The following SPATA13 variants were observed in gnomAD, a reference collection of about 807,000 sequenced individuals.
SPATA13 encodes the protein spermatogenesis associated 13.
A neutral mutation model predicts 104.0 loss-of-function variants in SPATA13; 50 were observed. The observed-to-expected ratio is 0.48, with a 90% CI of 0.38 to 0.61. The LOEUF is 0.61. SPATA13 is among the 20% of genes least tolerant of loss of function. The pLI is 0.00. For synonymous variants in SPATA13, 606 were observed against 667.5 expected, an observed-to-expected ratio of 0.91 and a Z score of 1.42; for missense variants, 1,524 against 1,690.6, an observed-to-expected ratio of 0.90 and a Z score of 1.73.
chr13:24,173,779 C>A (rs957883328), intron 1 of SPATA13, among the ~76,000 whole-genome samples: 1 of 152,126 alleles, frequency 6.6e-6, no homozygotes, highest in Admixed American at 6.6e-5. Context: ...TTTTCAAATA[C>A]TGAATCAGTC....
In SPATA13 at chr13:24,293,808, G is replaced by A. The variant is rs537662265; in HGVS notation, c.3081-931G>A. Among the ~76,000 whole-genome samples, 3 of 152,334 alleles carry A rather than the reference G, an allele frequency of 2.0e-5. No homozygotes were observed. In the South Asian group the frequency reaches 6.2e-4, roughly 32 times the overall value. On this transcript the variant is annotated intron_variant, in intron 9 of 12. Transcript: ENST00000382108. ...CAGCAGGGTCTGCTTGGTGGGCAGT[G>A]TCTGGGGACTTCACAGGAGCTGGGA...
rs572969491 is a variant in SPATA13 at position 24,195,620 on chromosome 13, G to T, written c.-111-27199G>T. 9.3e-4 allele frequency among the ~76,000 whole-genome samples: 141 copies of T among 152,290 alleles called. 1 individual carries two copies. Among genetic ancestry groups the T allele is most frequent in the African/African-American group, 2.9e-3 (121 of 41,560 alleles). ...TCTTTGCCAACACTGCTAAAGGACAGTATAATATTATATAAGACTCTTAAT... is the reference window on the plus strand; with the variant it reads ...TCTTTGCCAACACTGCTAAAGGACATTATAATATTATATAAGACTCTTAAT... On this transcript the variant is annotated intron_variant, in intron 1 of 12. Coordinates refer to ENST00000382108, the MANE Select transcript of SPATA13 (RefSeq NM_001166271.3).
intron 4 of SPATA13, among the ~76,000 whole-genome samples, chr13:24,272,528 G>T (rs549239561): frequency 5.3e-5 from 8 of 152,284 alleles, no homozygotes; most frequent in East Asian, 1.9e-4. Context: ...CTCTGAGAGG[G>T]CAGGGGGCAG....
intron 3 of SPATA13, among the ~76,000 whole-genome samples, chr13:24,104,087 T>C (rs1217507033): frequency 6.6e-6 from 1 of 152,206 alleles, no homozygotes; most frequent in Non-Finnish European, 1.5e-5. Context: ...AAATTACTTA[T>C]ATAAAACTGT....
intron 3 of SPATA13, among the ~76,000 whole-genome samples, chr13:24,029,390 A>T (rs17079787): frequency 6.6e-6 from 1 of 152,170 alleles, no homozygotes; most frequent in East Asian, 1.9e-4. Context: ...GTGTGAAATC[A>T]AGACCCAAAT....
At chr13:24,174,897 G>A (rs181660113) in intron 1 of SPATA13, among the ~76,000 whole-genome samples, 135 of 152,332 alleles carry the variant, frequency 8.9e-4, no homozygotes, top group African/African-American at 3.0e-3. Context: ...TCCCTTTAGA[G>A]TTCCCCCTTG....
intron 4 of SPATA13, chr13:24,270,627 C>A (rs1211759685): frequency 2.3e-6 from 2 of 871,584 alleles, no homozygotes; most frequent in Non-Finnish European, 3.4e-6. Context: ...CTCCTGAAGT[C>A]CCCCGCAATG....
In SPATA13 at chr13:24,224,102, C is replaced by T. The variant is rs1448313390; in HGVS notation, c.1173C>T (p.Pro391=). The part of the protein sequence containing the change: ...HGTTATCTVA[P]GFGSATSKGP... ...CCACTGCAACCTGCACCGTGGCCCC[C>T]GGTTTCGGCTCAGCCACCTCTAAGG... Residue 391 remains proline (P), a synonymous_variant, in exon 2 of 13, where the codon CCC becomes CCT. Transcript: ENST00000382108. The T allele has an allele frequency of 7.1e-6, 11 of 1,551,342 alleles. No individual in the cohort carries two copies. The highest frequency in any genetic ancestry group is 2.0e-5 in the Admixed American group (1 of 50,988).
At chr13:24,092,236 C>T (rs186958609) in intron 3 of SPATA13, among the ~76,000 whole-genome samples, 1 of 152,206 alleles carries the variant, frequency 6.6e-6, no homozygotes, top group African/African-American at 2.4e-5. Flanking sequence ...GTGTTTTAAC[C>T]CAAGTTAGGA....
chr13:24,146,186 T>C (rs549094950), intron 3 of SPATA13, among the ~76,000 whole-genome samples: 1 of 152,362 alleles, frequency 6.6e-6, no homozygotes, highest in East Asian at 1.9e-4. Flanking sequence ...GGAGTCTCAG[T>C]CAACAGACTT....
At chr13:24,245,726 G>A (rs1873097446) in intron 2 of SPATA13, among the ~76,000 whole-genome samples, 1 of 151,584 alleles carries the variant, frequency 6.6e-6, no homozygotes, top group Non-Finnish European at 1.5e-5. Context: ...CAAGTAGCTG[G>A]GACGACAGGC....
chr13:24,098,606 A>AAC (rs374626457), intron 3 of SPATA13, among the ~76,000 whole-genome samples: 56,268 of 147,732 alleles, frequency 0.38, 12,628 homozygotes, highest in Middle Eastern at 0.51. Flanking sequence ...AAAAAAAAAA[A>AAC]AAGAAGAAGA....
At chr13:24,211,000 G>A (rs191994046) in intron 1 of SPATA13, among the ~76,000 whole-genome samples, 84 of 152,100 alleles carry the variant, frequency 5.5e-4, no homozygotes, top group Non-Finnish European at 1.0e-3. Context: ...TCTTTTCGAT[G>A]CTTTTGCAAA....
At chr13:24,082,406 G>A (rs7329133) in intron 3 of SPATA13, among the ~76,000 whole-genome samples, 13,915 of 152,184 alleles carry the variant, frequency 0.091, 711 homozygotes, top group Middle Eastern at 0.19. Flanking sequence ...GGCGGGGAGG[G>A]TAACACTGAT....
chr13:24,224,581 A>C lies in SPATA13; in HGVS notation c.1652A>C (p.Glu551Ala), dbSNP rs1871823917. 2 of 1,537,628 alleles carry C rather than the reference A, an allele frequency of 1.3e-6. No individual in the cohort carries two copies. Among genetic ancestry groups the C allele is most frequent in the East Asian group, 4.9e-5 (2 of 40,902 alleles). ...AAGPEEKEKE[E>A]VVPDGPWRRS... ...GGCCCAGAAGAAAAGGAGAAGGAGG[A>C]GGTAAGGGCAGCGGCGAGGTCCCTC... Residue 551 changes from glutamate (E) to alanine (A), a missense_variant and splice_region_variant, in exon 2 of 13, where the codon GAG becomes GCG. Coordinates refer to ENST00000382108, the MANE Select transcript of SPATA13 (RefSeq NM_001166271.3).
chr13:24,047,415 A>G (rs1277350864), intron 3 of SPATA13, among the ~76,000 whole-genome samples: 1 of 152,172 alleles, frequency 6.6e-6, no homozygotes, highest in Non-Finnish European at 1.5e-5. Flanking sequence ...CCCTGCATTC[A>G]TTTTACAAAG....
intron 2 of SPATA13, among the ~76,000 whole-genome samples, 152 bp from the exon 3 acceptor site, chr13:24,249,325 T>G (rs1446812369): frequency 6.6e-6 from 1 of 152,246 alleles, no homozygotes; most frequent in African/African-American, 2.4e-5. Flanking sequence ...GGTTGTGTCT[T>G]CATGTTCTAG....
At chr13:24,256,340 GTTC>G (rs1873789013) in intron 4 of SPATA13, among the ~76,000 whole-genome samples, 1 of 152,074 alleles carries the variant, frequency 6.6e-6, no homozygotes, top group Non-Finnish European at 1.5e-5. Context: ...GGATTCAAAT[GTTC>G]TTAATACAAA....
chr13:24,141,811 T>A (rs1881771937), intron 3 of SPATA13, among the ~76,000 whole-genome samples: 1 of 152,214 alleles, frequency 6.6e-6, no homozygotes. Flanking sequence ...TTTTTCTAAT[T>A]CATGCATCAC....
Sources: gnomAD v4.1 joint callset for allele counts (sites outside exome capture counted in the v4.1 genomes callset) on GRCh38, gnomAD v4.1.1 for gene constraint, MANE v1.5 for transcripts, NCBI Gene and HGNC (gene_info 2026-07-23, HGNC 2026-07-21) for gene names.